The following AMPH variants were observed in gnomAD, a reference collection of about 807,000 sequenced individuals.
AMPH encodes the protein amphiphysin (Stiff-Mann syndrome with breast cancer 128kD autoantigen).
AMPH carries 49 observed loss-of-function variants against 99.1 expected under a neutral mutation model. That is an observed-to-expected ratio of 0.49 (90% CI 0.39 to 0.63). AMPH has a LOEUF of 0.63. Ranked by LOEUF, AMPH falls within the 20% of genes least tolerant of loss-of-function variation. The pLI, the probability that AMPH is intolerant of heterozygous loss-of-function variation, is 0.00. For synonymous variants in AMPH, 314 were observed against 317.3 expected (o/e 0.99, Z 0.11); for missense variants, 759 against 863.4 (o/e 0.88, Z 1.52).
intron 1 of AMPH, among the ~76,000 whole-genome samples, chr7:38,564,140 T>C (rs1791647966): frequency 6.6e-6 from 1 of 152,226 alleles, no homozygotes; most frequent in Admixed American, 6.5e-5. Flanking sequence ...ATTAAATGTG[T>C]AGTTGAAGTA....
intron 5 of AMPH, among the ~76,000 whole-genome samples, chr7:38,477,244 A>T (rs1788122237): frequency 6.6e-6 from 1 of 152,078 alleles, no homozygotes; most frequent in African/African-American, 2.4e-5. Flanking sequence ...CAAAGACCAG[A>T]AAATAATCCA....
chr7:38,418,132 A>G lies in AMPH; in HGVS notation c.1273-182T>C, dbSNP rs532712440. 2.6e-5 allele frequency: 14 copies of G among 533,738 alleles called. No individual in the cohort carries two copies. In the East Asian group the frequency reaches 4.1e-4, roughly 16 times the overall value. The allele number at this position is 533,738 out of a possible 1,614,324, so 33.1% of individuals were successfully genotyped here. A position where few individuals can be genotyped will look rare whatever the true frequency, so the allele number is the denominator to read the frequency against. On this transcript the variant is annotated intron_variant, in intron 16 of 20. Coordinates refer to ENST00000356264, the MANE Select transcript of AMPH (RefSeq NM_001635.4). ...GCTTTTAGAGAATGGAAAAGACTAG[A>G]AATAAAATCTTATTAAGCTTCTGCT...
chr7:38,404,050 G>A (rs1395704076), intron 17 of AMPH, among the ~76,000 whole-genome samples: 1 of 152,138 alleles, frequency 6.6e-6, no homozygotes, highest in African/African-American at 2.4e-5. Flanking sequence ...GTGCCCCAAG[G>A]CCATTTTGCT....
At chr7:38,457,334 G>GA (rs1787271123) in intron 11 of AMPH, among the ~76,000 whole-genome samples, 1 of 152,132 alleles carries the variant, frequency 6.6e-6, no homozygotes, top group Admixed American at 6.6e-5. Flanking sequence ...TTTAGGATAT[G>GA]AATGAAAAAT....
intron 9 of AMPH, among the ~76,000 whole-genome samples, chr7:38,464,911 T>C (rs1019268540): frequency 5.3e-5 from 8 of 152,162 alleles, no homozygotes; most frequent in South Asian, 4.1e-4. Flanking sequence ...CTATGGATCA[T>C]TGGGGCTCCG....
intron 1 of AMPH, among the ~76,000 whole-genome samples, chr7:38,603,507 C>A (rs371002454): frequency 1.9e-4 from 29 of 152,246 alleles, no homozygotes; most frequent in African/African-American, 7.0e-4. Flanking sequence ...GGTGCCAGAT[C>A]CTTCCTAGCA....
At chr7:38,616,512 GT>G (rs760612556) in intron 1 of AMPH, among the ~76,000 whole-genome samples, 1 of 152,110 alleles carries the variant, frequency 6.6e-6, no homozygotes, top group Admixed American at 6.5e-5. Context: ...TAAATAAGTG[GT>G]TTTTTCTACC....
chr7:38,439,828 G>A lies in AMPH; in HGVS notation c.1018-3440C>T, dbSNP rs557328267. On this transcript the variant is annotated intron_variant, in intron 11 of 20. Coordinates refer to ENST00000356264, the MANE Select transcript of AMPH (RefSeq NM_001635.4). ...GGTGTCTTCTACTTGGGACATCTAA[G>A]TTTATCAGTAAAGTACCGGACCTCT... 2.0e-5 allele frequency among the ~76,000 whole-genome samples: 3 copies of A among 152,178 alleles called. No homozygotes were observed. The South Asian group carries it at 6.2e-4, about 32-fold the overall frequency.
At chr7:38,524,945 A>G (rs1307496221) in intron 2 of AMPH, among the ~76,000 whole-genome samples, 2 of 151,916 alleles carry the variant, frequency 1.3e-5, no homozygotes. Flanking sequence ...TTGCCTACTC[A>G]GCTTGTTTAT....
At chr7:38,533,742 T>C (rs1451869103) in intron 2 of AMPH, among the ~76,000 whole-genome samples, 1 of 152,178 alleles carries the variant, frequency 6.6e-6, no homozygotes, top group Non-Finnish European at 1.5e-5. Flanking sequence ...TGTCCTTATA[T>C]TGTTCCCCAC....
chr7:38,556,630 C>G (rs1447037311), intron 1 of AMPH, among the ~76,000 whole-genome samples: 1 of 152,180 alleles, frequency 6.6e-6, no homozygotes, highest in Non-Finnish European at 1.5e-5. Context: ...TCATTCACAC[C>G]ACCCTCCACT....
At chr7:38,461,959 C>A (rs979740765) in intron 10 of AMPH, among the ~76,000 whole-genome samples, 1 of 152,152 alleles carries the variant, frequency 6.6e-6, no homozygotes, top group African/African-American at 2.4e-5. Flanking sequence ...ATGGTTCAAT[C>A]TATGATTTTT....
intron 2 of AMPH, among the ~76,000 whole-genome samples, chr7:38,517,777 GT>G (rs1206871920): frequency 6.6e-6 from 1 of 152,156 alleles, no homozygotes; most frequent in African/African-American, 2.4e-5. Flanking sequence ...GCCTGACTAT[GT>G]AAAGAATAAA....
intron 7 of AMPH, among the ~76,000 whole-genome samples, chr7:38,467,470 A>G (rs1290831526): frequency 6.6e-6 from 1 of 152,206 alleles, no homozygotes; most frequent in East Asian, 1.9e-4. Flanking sequence ...CAACTGGGAC[A>G]GTAATTCTTA....
At chr7:38,536,153 T>C (rs1234790510) in intron 1 of AMPH, among the ~76,000 whole-genome samples, 1 of 152,110 alleles carries the variant, frequency 6.6e-6, no homozygotes, top group Non-Finnish European at 1.5e-5. Flanking sequence ...GGTCCACAAA[T>C]AACAAATCAA....
At position 38,388,417 on chromosome 7, in the gene AMPH, C is replaced by T. The variant is rs529784473; in HGVS notation, c.1980+1387G>A. ...GTTAATCCTCTCAAAAACCTACTTT[C>T]GGCTTTATCAATTTTATCTGTTATA... is the stretch of plus-strand genomic sequence containing the variant. On this transcript the variant is annotated intron_variant, in intron 20 of 20. Transcript: ENST00000356264. Among the ~76,000 whole-genome samples the T allele has an allele frequency of 2.8e-4, 42 of 152,080 alleles. No individual in the cohort carries two copies. The East Asian group carries it at 5.4e-3, about 20-fold the overall frequency.
chr7:38,575,427 C>T (rs1189127593), intron 1 of AMPH, among the ~76,000 whole-genome samples: 1 of 152,148 alleles, frequency 6.6e-6, no homozygotes, highest in Non-Finnish European at 1.5e-5. Context: ...ACCCAAATCT[C>T]ATCTTAAATT....
intron 1 of AMPH, among the ~76,000 whole-genome samples, chr7:38,541,815 G>A (rs952794816): frequency 1.3e-5 from 2 of 152,098 alleles, no homozygotes; most frequent in South Asian, 2.1e-4. Flanking sequence ...AGAAAACTAG[G>A]GAGAAAGGAC....
At chr7:38,535,113 G>T in intron 1 of AMPH, 102 bp from the exon 2 acceptor site, 1 of 985,862 alleles carries the variant, frequency 1.0e-6, no homozygotes, top group Non-Finnish European at 1.5e-6. Flanking sequence ...GCTCTGAGGA[G>T]TAGAGCAAAA....
Sources: gnomAD v4.1 joint callset for allele counts (sites outside exome capture counted in the v4.1 genomes callset) on GRCh38, gnomAD v4.1.1 for gene constraint, MANE v1.5 for transcripts, NCBI Gene and HGNC (gene_info 2026-07-23, HGNC 2026-07-21) for gene names.